Variants in NLRP10 observed in about 807,000 individuals in gnomAD.
NLRP10 encodes NLR family pyrin domain containing 10.
Under a neutral mutation model 8.2 loss-of-function variants are expected in NLRP10, and 7 were observed. The ratio of observed to expected loss-of-function variants is 0.85; its 90% CI spans 0.48 to 1.60. The LOEUF is 1.60. Among genes scored for constraint, NLRP10 ranks in the 40% most tolerant of loss-of-function variants. The probability of loss-of-function intolerance (pLI) is 0.00; values close to 1 mark genes in which losing one functional copy is unlikely to be tolerated. For synonymous variants in NLRP10, 338 were observed against 314.0 expected, an observed-to-expected ratio of 1.08 and a Z score of -0.81; for missense variants, 814 against 776.3, an observed-to-expected ratio of 1.05 and a Z score of -0.58.
Position 7,959,916 on chromosome 11 carries a change from A to G in NLRP10, c.1696T>C (p.Ser566Pro). The change falls in exon 3 of 3, where the codon TCC (serine) becomes CCC (proline). Residue 566 changes from serine to proline, a missense_variant. Ser to Pro is a moderately conservative substitution (Grantham distance 74, BLOSUM62 -1). Transcript: ENST00000691676. Reference sequence around the variant, plus strand: ...TTCTTTATTTTAGCTTCATACAGGGAGAATTCCAAATCCCAGGTCCTGTTG... The same window carrying G: ...TTCTTTATTTTAGCTTCATACAGGGGGAATTCCAAATCCCAGGTCCTGTTG... The part of the protein sequence containing the change: ...KHNRTWDLEF[S>P]LYEAKIKNLV... The G allele has an allele frequency of 6.2e-7, 1 of 1,614,110 alleles. No homozygotes were observed. The highest frequency in any genetic ancestry group is 1.3e-5 in the African/African-American group (1 of 75,040).
chr11:7,964,387 C>A (rs1941786513), intron 1 of NLRP10, among the ~76,000 whole-genome samples: 1 of 152,170 alleles, frequency 6.6e-6, no homozygotes, highest in South Asian at 2.1e-4. Flanking sequence ...ACAGGGATTG[C>A]AAAGCTAGAA....
rs371108383 is a variant in NLRP10 at position 7,961,195 on chromosome 11, G to A, written c.417C>T (p.Ala139=). 4 of 1,613,854 alleles carry A rather than the reference G, an allele frequency of 2.5e-6. No homozygotes were observed. The highest frequency in any genetic ancestry group is 3.4e-6 in the Non-Finnish European group (4 of 1,179,980). The change falls in exon 3 of 3, where the codon GCC becomes GCT. Residue 139 remains alanine, a synonymous_variant. Coordinates refer to ENST00000691676, the MANE Select transcript of NLRP10 (RefSeq NM_001391958.1). ...CCAGCTCCTGCTCCGGGAAGGGGCA[G>A]GCAAGTGATTCTGGGCTCTCTGAGC... ...KPSSESPESL[A]CPFPEQELES...
chr11:7,963,773 A>G (rs1051962154), intron 1 of NLRP10: 10 of 334,406 alleles, frequency 3.0e-5, no homozygotes, highest in Non-Finnish European at 4.4e-5. Context: ...TAGGTGTGTT[A>G]ATCTCTCAAT....
chr11:7,962,383 A>C (rs910583872), intron 2 of NLRP10, among the ~76,000 whole-genome samples: 2 of 151,358 alleles, frequency 1.3e-5, no homozygotes, highest in Non-Finnish European at 2.9e-5. Flanking sequence ...CCACAGGCGC[A>C]CGCCACCATG....
In NLRP10 at chr11:7,958,416, T is replaced by C. The variant is rs1941656414; in HGVS notation, c.*1228A>G. The stretch of plus-strand genomic sequence containing the variant: ...CCAGGATTTGGGATGTTAGCCATTC[T>C]AACAGGGGTGTCATGGTATCTTATT... On this transcript the variant is annotated 3_prime_UTR_variant, in exon 3 of 3. Transcript: ENST00000691676. Among the ~76,000 whole-genome samples the C allele has an allele frequency of 1.3e-5, 2 of 152,240 alleles. No homozygotes were observed.
Position 7,959,520 on chromosome 11 carries a change from A to G in NLRP10, c.*124T>C. 1 of 574,156 alleles carries G rather than the reference A, an allele frequency of 1.7e-6. No homozygotes were observed. Among genetic ancestry groups the G allele is most frequent in the Non-Finnish European group, 3.0e-6 (1 of 333,310 alleles). The allele number at this position is 574,156 out of a possible 1,614,324, so 35.6% of individuals were successfully genotyped here. A position where few individuals can be genotyped will look rare whatever the true frequency, so the allele number is the denominator to read the frequency against. On this transcript the variant is annotated 3_prime_UTR_variant, in exon 3 of 3. Coordinates refer to ENST00000691676, the MANE Select transcript of NLRP10 (RefSeq NM_001391958.1). ...CAAACTGGGGAAAACTAACATCTTAACAATATTGAGTCTTTCTATTCATGA... is the reference window on the plus strand; with the variant it reads ...CAAACTGGGGAAAACTAACATCTTAGCAATATTGAGTCTTTCTATTCATGA...
At position 7,960,571 on chromosome 11, in the gene NLRP10, G is replaced by C; in HGVS notation, c.1041C>G (p.Leu347=). 1 of 1,614,180 alleles carries C rather than the reference G, an allele frequency of 6.2e-7. No individual in the cohort carries two copies. Among genetic ancestry groups the C allele is most frequent in the Non-Finnish European group, 8.5e-7 (1 of 1,180,016 alleles). Residue 347 remains leucine (L), a synonymous_variant, in exon 3 of 3, where the codon CTC becomes CTG. Coordinates refer to ENST00000691676, the MANE Select transcript of NLRP10 (RefSeq NM_001391958.1). ...TGCCTGGAACCTGACACGCTTTGTA[G>C]AGAATGTCATTTTTCTGTACAATGT... ...AFDIVQKNDI[L]YKACQVPGIC... is the part of the protein sequence containing the mutation.
At chr11:7,964,703 G>A (rs891015254) in intron 1 of NLRP10, among the ~76,000 whole-genome samples, 1 of 152,214 alleles carries the variant, frequency 6.6e-6, no homozygotes, top group African/African-American at 2.4e-5. Flanking sequence ...CAGAAAGTTA[G>A]GCTAAATGTT....
rs758956498 is a variant in NLRP10 at position 7,960,778 on chromosome 11, A to G, written c.834T>C (p.Ile278=). 1.2e-6 allele frequency: 2 copies of G among 1,614,008 alleles called. No homozygotes were observed. Among genetic ancestry groups the G allele is most frequent in the South Asian group, 2.2e-5 (2 of 91,066 alleles). ...AGCACGTGGGGAGTGTATGTCTCCT[A>G]ATTAGAAGGTGCAGCAGGCTCTCCT... ...SPKESLLHLL[I]RRHTLPTCSL... Residue 278 remains isoleucine, a synonymous_variant, in exon 3 of 3, where the codon ATT becomes ATC. Transcript: ENST00000691676.
chr11:7,964,889 A>G (rs1298669638), intron 1 of NLRP10, among the ~76,000 whole-genome samples: 1 of 152,250 alleles, frequency 6.6e-6, no homozygotes, highest in Non-Finnish European at 1.5e-5. Flanking sequence ...CCTAAGGCCC[A>G]TAGGGAACCC....
rs994731772 is a variant in NLRP10, at chr11:7,960,010, G to A, written c.1602C>T (p.Cys534=). 5.6e-6 allele frequency: 9 copies of A among 1,614,038 alleles called. No individual in the cohort carries two copies. Among genetic ancestry groups the A allele is most frequent in the South Asian group, 1.1e-5 (1 of 91,070 alleles). Reference sequence around the variant, plus strand: ...GCGCTAAACAGGGAGAAATTCTGAAGCAGAACTTGAGCTCCAAGTTCGAGA... The same window carrying A: ...GCGCTAAACAGGGAGAAATTCTGAAACAGAACTTGAGCTCCAAGTTCGAGA... ...DSFSNLELKF[C]FRISPCLAQD... is the part of the protein sequence containing the mutation. The change falls in exon 3 of 3, where the codon TGC becomes TGT. Residue 534 remains cysteine, a synonymous_variant. Coordinates refer to ENST00000691676, the MANE Select transcript of NLRP10 (RefSeq NM_001391958.1).
Position 7,960,419 on chromosome 11 carries a change from T to C in NLRP10, c.1193A>G (p.Asp398Gly). ...CCGGGAAAGCTCGGAGCAGCCCCCATCATCATCGGGCGGCAGAAAGGTGGA... is the reference window on the plus strand; with the variant it reads ...CCGGGAAAGCTCGGAGCAGCCCCCACCATCATCGGGCGGCAGAAAGGTGGA... ...YVSTFLPPDD[D>G]GGCSELSRHR... is the part of the protein sequence containing the mutation. The change falls in exon 3 of 3, where the codon GAT (aspartate) becomes GGT (glycine). Residue 398 changes from aspartate (D) to glycine (G), a missense_variant. Coordinates refer to ENST00000691676, the MANE Select transcript of NLRP10 (RefSeq NM_001391958.1). 3 of 1,613,916 alleles carry C rather than the reference T, an allele frequency of 1.9e-6. No homozygotes were observed. Among genetic ancestry groups the C allele is most frequent in the Non-Finnish European group, 2.5e-6 (3 of 1,180,006 alleles).
rs1031847278 is a variant in NLRP10, at chr11:7,960,657, C to T, written c.955G>A (p.Glu319Lys). 1.2e-6 allele frequency: 2 copies of T among 1,614,094 alleles called. No individual in the cohort carries two copies. Among genetic ancestry groups the T allele is most frequent in the African/African-American group, 1.3e-5 (1 of 74,928 alleles). The part of the protein sequence containing the change: ...HVHILGFSEE[E>K]RARYFSSYFT... ...TAGGAGCTGAAGTACCTCGCCCTCT[C>T]CTCCTCAGAGAAGCCTAGGATATGG... Residue 319 changes from glutamate (E) to lysine (K), a missense_variant, in exon 3 of 3, where the codon GAG becomes AAG. By Grantham distance (56) the Glu-to-Lys change is moderately conservative. Coordinates refer to ENST00000691676, the MANE Select transcript of NLRP10 (RefSeq NM_001391958.1).
rs1156422466 is a variant in NLRP10 at position 7,960,560 on chromosome 11, C to T, written c.1052G>A (p.Cys351Tyr). 3.1e-6 allele frequency: 5 copies of T among 1,614,212 alleles called. No individual in the cohort carries two copies. The highest frequency in any genetic ancestry group is 1.3e-5 in the African/African-American group (1 of 75,048). ...CACCCAGCAAATGCCTGGAACCTGA[C>T]ACGCTTTGTAGAGAATGTCATTTTT... ...VQKNDILYKA[C>Y]QVPGICWVVC... Residue 351 changes from cysteine to tyrosine, a missense_variant, in exon 3 of 3, where the codon TGT becomes TAT. Cys to Tyr is a radical substitution (Grantham distance 194, BLOSUM62 -2). Coordinates refer to ENST00000691676, the MANE Select transcript of NLRP10 (RefSeq NM_001391958.1).
rs1941667879 is a variant in NLRP10, at chr11:7,958,984, A to T, written c.*660T>A. Among the ~76,000 whole-genome samples, 1 of 151,930 alleles carries T rather than the reference A, an allele frequency of 6.6e-6. No individual in the cohort carries two copies. Among genetic ancestry groups the T allele is most frequent in the Admixed American group, 6.6e-5 (1 of 15,226 alleles). ...AGAGCATAAGTTTTTAATTTTCATG[A>T]AGCCAACTAATTCTTTTTTTAATGA... On this transcript the variant is annotated 3_prime_UTR_variant, in exon 3 of 3. Coordinates refer to ENST00000691676, the MANE Select transcript of NLRP10 (RefSeq NM_001391958.1).
intron 1 of NLRP10, among the ~76,000 whole-genome samples, chr11:7,964,318 T>TA (rs1394998033): frequency 6.6e-6 from 1 of 151,138 alleles, no homozygotes; most frequent in Non-Finnish European, 1.5e-5. Context: ...GGCAAGAAGG[T>TA]AAAAAAAATC....
At chr11:7,964,281 G>A (rs1268283370) in intron 1 of NLRP10, among the ~76,000 whole-genome samples, 1 of 152,178 alleles carries the variant, frequency 6.6e-6, no homozygotes, top group East Asian at 1.9e-4. Context: ...GAAAGCTGGA[G>A]CACATTTGCT....
chr11:7,962,231 C>CTTTTGTTTTTTTTTTTTT (rs1941743917), intron 2 of NLRP10, among the ~76,000 whole-genome samples: 1 of 66,994 alleles, frequency 1.5e-5, no homozygotes, highest in African/African-American at 5.6e-5. Context: ...TAAGCCTGTT[C>CTTTTGTTTTTTTTTTTTT]TTTTTTTTTT....
chr11:7,963,729 C>A (rs1016853889), intron 1 of NLRP10, 189 bp from the exon 2 acceptor site: 2 of 560,408 alleles, frequency 3.6e-6, no homozygotes, highest in Non-Finnish European at 6.3e-6. Context: ...TCAGGTGACA[C>A]GTGACTGTGT....
Sources: gnomAD v4.1 joint callset for allele counts (sites outside exome capture counted in the v4.1 genomes callset) on GRCh38, gnomAD v4.1.1 for gene constraint, MANE v1.5 for transcripts, NCBI Gene and HGNC (gene_info 2026-07-23, HGNC 2026-07-21) for gene names.